Variants in ATG4A observed in about 807,000 individuals in gnomAD.
ATG4A encodes the protein autophagy related 4A cysteine peptidase.
In ATG4A, 22 loss-of-function variants were observed where a neutral mutation model predicts 38.4. The observed-to-expected ratio is 0.57, with a 90% confidence interval of 0.41 to 0.82. ATG4A has a LOEUF of 0.82. Ranked by LOEUF, ATG4A falls within the 40% of genes least tolerant of loss-of-function variation. The pLI, the probability that ATG4A is intolerant of heterozygous loss-of-function variation, is 0.00. For synonymous variants in ATG4A, 86 were observed against 100.7 expected, an observed-to-expected ratio of 0.85 and a Z score of 0.88; for missense variants, 220 against 290.0, an observed-to-expected ratio of 0.76 and a Z score of 1.75.
intron 1 of ATG4A, among the ~76,000 whole-genome samples, chrX:108,098,371 T>A (rs1162768160): frequency 8.9e-6 from 1 of 112,150 alleles, no homozygotes; most frequent in Non-Finnish European, 1.9e-5. Flanking sequence ...TTTCTTTTTT[T>A]AAAAGGGTTT....
At chrX:108,105,991 G>A (rs2032159534) in intron 1 of ATG4A, among the ~76,000 whole-genome samples, 1 of 111,111 alleles carries the variant, frequency 9.0e-6, no homozygotes, top group Admixed American at 9.5e-5. Context: ...CTGAATTCTG[G>A]AATTCTCATA....
At chrX:108,120,257 C>G (rs190103689) in intron 1 of ATG4A, among the ~76,000 whole-genome samples, 1 of 112,358 alleles carries the variant, frequency 8.9e-6, no homozygotes, top group Non-Finnish European at 1.9e-5. Context: ...TGAGCAGCAC[C>G]TTGTTATCAC....
At chrX:108,141,058 G>GTATA (rs2033256590) in intron 9 of ATG4A, among the ~76,000 whole-genome samples, 15 of 30,563 alleles carry the variant, frequency 4.9e-4, no homozygotes, top group African/African-American at 7.5e-4. Context: ...ACATATATAC[G>GTATA]TGTATATATA....
chrX:108,103,989 G>A (rs916249448), intron 1 of ATG4A, among the ~76,000 whole-genome samples: 12 of 111,383 alleles, frequency 1.1e-4, no homozygotes, highest in African/African-American at 3.9e-4. Flanking sequence ...TGGGATTATA[G>A]GTGCCCGACA....
In ATG4A at chrX:108,116,529, G is replaced by GT. The variant is rs770700988; in HGVS notation, c.11-9540dup. Among the ~76,000 whole-genome samples the GT allele has an allele frequency of 4.0e-4, 45 of 111,617 alleles. No individual in the cohort carries two copies. In the East Asian group the frequency reaches 4.3e-3, roughly 11 times the overall value. ...ACAGAGAGAATCACTTCCGGTCTTT[G>GT]TTTTTTTTAACAGAATTTAATTTGA... On this transcript the variant is annotated intron_variant, in intron 1 of 12. Coordinates refer to ENST00000372232, the MANE Select transcript of ATG4A (RefSeq NM_052936.5).
In ATG4A at chrX:108,153,064, C is replaced by T; in HGVS notation, c.1103C>T (p.Pro368Leu). The T allele has an allele frequency of 8.3e-7, 1 of 1,209,129 alleles. No individual in the cohort carries two copies. The highest frequency in any genetic ancestry group is 1.1e-6 in the Non-Finnish European group (1 of 893,134). Residue 368 changes from proline (P) to leucine (L), a missense_variant, in exon 12 of 13, where the codon CCA becomes CTA. This residue lies in a region of ATG4A where 159 missense variants were observed against 188.9 expected (regional missense o/e 0.84). Transcript: ENST00000372232. ...HWPPFVPPAK[P>L]EVTTTGAEFI... ...CCTCCCTTTGTACCTCCAGCCAAGC[C>T]AGAAGTGACAACCACTGGGGCAGGT...
chrX:108,093,333 C>T (rs1411024742), intron 1 of ATG4A, among the ~76,000 whole-genome samples: 1 of 112,269 alleles, frequency 8.9e-6, no homozygotes, highest in Admixed American at 9.4e-5. Context: ...GTCTTTGTGT[C>T]TGATTTCTTT....
At chrX:108,141,019 C>T (rs1427548048) in intron 9 of ATG4A, among the ~76,000 whole-genome samples, 1 of 78,772 alleles carries the variant, frequency 1.3e-5, no homozygotes, top group Non-Finnish European at 2.3e-5. Context: ...CGTATATATA[C>T]ACATATATAT....
chrX:108,094,741 G>C (rs2031750977), intron 1 of ATG4A, among the ~76,000 whole-genome samples: 1 of 112,045 alleles, frequency 8.9e-6, no homozygotes, highest in Non-Finnish European at 1.9e-5. Context: ...TCTCTTAATA[G>C]TGCCTTTTAG....
At chrX:108,096,914 G>A (rs1388049352) in intron 1 of ATG4A, among the ~76,000 whole-genome samples, 1 of 110,722 alleles carries the variant, frequency 9.0e-6, no homozygotes, top group Non-Finnish European at 1.9e-5. Flanking sequence ...CCCTGTTAGG[G>A]TCTGACTCCC....
In ATG4A at chrX:108,134,380, T is replaced by C; in HGVS notation, c.436T>C (p.Phe146Leu). 1 of 1,210,891 alleles carries C rather than the reference T, an allele frequency of 8.3e-7. No homozygotes were observed. The highest frequency in any genetic ancestry group is 1.1e-6 in the Non-Finnish European group (1 of 895,007). ...AGAAGGGAAATCAATTGGAGAATGGTTTGGACCAAATACAGTTGCACAGGT... is the reference window on the plus strand; with the variant it reads ...AGAAGGGAAATCAATTGGAGAATGGCTTGGACCAAATACAGTTGCACAGGT... ...VGEGKSIGEW[F>L]GPNTVAQVLK... Residue 146 changes from phenylalanine (F) to leucine (L), a missense_variant, in exon 6 of 13, where the codon TTT becomes CTT. Physicochemically the swap from Phe to Leu is conservative, Grantham distance 22 (BLOSUM62 0). This residue lies in a region of ATG4A where 159 missense variants were observed against 188.9 expected (regional missense o/e 0.84). Coordinates refer to ENST00000372232, the MANE Select transcript of ATG4A (RefSeq NM_052936.5).
chrX:108,136,503 C>T (rs1213513007), intron 6 of ATG4A, among the ~76,000 whole-genome samples: 4 of 111,632 alleles, frequency 3.6e-5, no homozygotes, highest in African/African-American at 9.8e-5. Context: ...GCTTGGCACC[C>T]GAGTCAATCT....
intron 4 of ATG4A, among the ~76,000 whole-genome samples, chrX:108,132,631 G>T (rs750461280): frequency 9.0e-5 from 10 of 110,887 alleles, no homozygotes; most frequent in Non-Finnish European, 1.9e-4. Flanking sequence ...AGAAATCAAA[G>T]ATTTGGGGAT....
rs568177745 is a variant in ATG4A, at chrX:108,100,716, T to G, written c.10+8880T>G. On this transcript the variant is annotated intron_variant, in intron 1 of 12. Transcript: ENST00000372232. ...TGCTAATGCAGTGGATTACACTAATTTATTTTCAAATGTTGAGCTAGCCTT... is the reference window on the plus strand; with the variant it reads ...TGCTAATGCAGTGGATTACACTAATGTATTTTCAAATGTTGAGCTAGCCTT... Among the ~76,000 whole-genome samples the G allele has an allele frequency of 1.4e-4, 16 of 112,386 alleles. No individual in the cohort carries two copies. In the South Asian group the frequency reaches 5.5e-3, roughly 39 times the overall value.
At chrX:108,115,501 T>G (rs774269627) in intron 1 of ATG4A, among the ~76,000 whole-genome samples, 1 of 112,047 alleles carries the variant, frequency 8.9e-6, no homozygotes, top group South Asian at 3.7e-4. Context: ...TCAAACTTTA[T>G]GTAAATTGAG....
At chrX:108,130,499 A>G in intron 3 of ATG4A, among the ~76,000 whole-genome samples, 1 of 112,413 alleles carries the variant, frequency 8.9e-6, no homozygotes, top group Middle Eastern at 4.6e-3. Flanking sequence ...TTAAAGATAC[A>G]TTTCTAATTT....
At chrX:108,094,908 T>C (rs924395267) in intron 1 of ATG4A, among the ~76,000 whole-genome samples, 2 of 112,672 alleles carry the variant, frequency 1.8e-5, no homozygotes, top group Admixed American at 9.3e-5. Context: ...AAAATATATA[T>C]GCTGCAAATT....
intron 1 of ATG4A, among the ~76,000 whole-genome samples, chrX:108,104,353 C>G (rs1349102500): frequency 9.0e-6 from 1 of 111,151 alleles, no homozygotes; most frequent in Admixed American, 9.5e-5. Context: ...AATTCTTCAG[C>G]TTTTGGTCAT....
chrX:108,146,449 G>A (rs2345390), intron 9 of ATG4A, among the ~76,000 whole-genome samples: 1 of 111,237 alleles, frequency 9.0e-6, no homozygotes, highest in South Asian at 3.8e-4. Context: ...TGTCCATTAC[G>A]GTAGCTATGC....
Sources: gnomAD v4.1 joint callset for allele counts (sites outside exome capture counted in the v4.1 genomes callset) on GRCh38, gnomAD v4.1.1 for gene constraint, gnomAD v4.1.1 regional missense constraint, MANE v1.5 for transcripts, NCBI Gene and HGNC (gene_info 2026-07-23, HGNC 2026-07-21) for gene names.